The following MAP4K1 variants were observed in gnomAD, a reference collection of about 807,000 sequenced individuals.
The protein encoded by MAP4K1 is mitogen-activated protein kinase kinase kinase kinase 1.
Under a neutral mutation model 122.8 loss-of-function variants are expected in MAP4K1, and 35 were observed. That is an observed-to-expected ratio of 0.29 (90% confidence interval 0.22 to 0.38). The LOEUF (loss-of-function observed/expected upper bound fraction) is 0.38, where lower values mean the gene tolerates loss of function less well. Ranked by LOEUF, MAP4K1 falls within the 10% of genes least tolerant of loss-of-function variation. The probability of loss-of-function intolerance (pLI) is 1.00; values close to 1 mark genes in which losing one functional copy is unlikely to be tolerated. For synonymous variants in MAP4K1, 412 were observed against 421.3 expected, an observed-to-expected ratio of 0.98 and a Z score of 0.27; for missense variants, 791 against 1,072.6, an observed-to-expected ratio of 0.74 and a Z score of 3.67.
At position 38,617,313 on chromosome 19, in the gene MAP4K1, G is replaced by T. The variant is rs1298726634; in HGVS notation, c.248+41C>A. 1 of 1,403,432 alleles carries T rather than the reference G, an allele frequency of 7.1e-7. No homozygotes were observed. The highest frequency in any genetic ancestry group is 1.4e-5 in the African/African-American group (1 of 70,698). 86.9% of individuals were successfully genotyped at this position (1,403,432 alleles called of 1,614,324 possible). A position where few individuals can be genotyped will look rare whatever the true frequency, so the allele number is the denominator to read the frequency against. On this transcript the variant is annotated intron_variant, in intron 3 of 30. Coordinates refer to ENST00000396857, the MANE Select transcript of MAP4K1 (RefSeq NM_001042600.3). The surrounding 1 kb of genome is among the most constrained non-coding windows in gnomAD (Gnocchi z 4.1). ...ATCAAGAAATGGGGACTCCGGGTTAGGGGCTGGGCTGGGTGCCAGGGTGGG... is the reference window on the plus strand; with the variant it reads ...ATCAAGAAATGGGGACTCCGGGTTATGGGCTGGGCTGGGTGCCAGGGTGGG...
rs1974917670 is a variant in MAP4K1 at position 38,597,214 on chromosome 19, G to A, written c.1838-77C>T. 2 of 1,597,124 alleles carry A rather than the reference G, an allele frequency of 1.3e-6. No homozygotes were observed. Among genetic ancestry groups the A allele is most frequent in the African/African-American group, 2.7e-5 (2 of 74,546 alleles). On this transcript the variant is annotated intron_variant, in intron 24 of 30. Coordinates refer to ENST00000396857, the MANE Select transcript of MAP4K1 (RefSeq NM_001042600.3). This position sits in a 1 kb window ranked among gnomAD's most constrained non-coding sequence, Gnocchi z 4.6. Reference sequence around the variant, plus strand: ...CACCCACACTACCACCCATCTTCTGGGTTCTGGACACATTGCCTTAACTCT... The same window carrying A: ...CACCCACACTACCACCCATCTTCTGAGTTCTGGACACATTGCCTTAACTCT...
chr19:38,593,334 G>C lies in MAP4K1; in HGVS notation c.2344C>G (p.Leu782Val), dbSNP rs767803149. Residue 782 changes from leucine (L) to valine (V), a missense_variant, in exon 30 of 31, where the codon CTA becomes GTA. By Grantham distance (32) the Leu-to-Val change is conservative. Transcript: ENST00000396857. ...AGGGTAGGGTCTCTCAGCTCCTGTA[G>C]CAGCTAGGGAAAAAAAGTGTGTGTC... is the stretch of plus-strand genomic sequence containing the variant. ...QVWALGSDQL[L>V]QELRDPTLTF... 6.2e-7 allele frequency: 1 copy of C among 1,609,446 alleles called. No homozygotes were observed. The highest frequency in any genetic ancestry group is 1.3e-5 in the African/African-American group (1 of 74,872).
intron 28 of MAP4K1, 24 bp downstream of exon 28, chr19:38,595,616 G>A: frequency 1.2e-6 from 2 of 1,613,972 alleles, no homozygotes; most frequent in Non-Finnish European, 1.7e-6. Flanking sequence ...CCCTGATCCT[G>A]GGCTCTCCCG....
At chr19:38,616,484 A>G (rs1014040110) in intron 3 of MAP4K1, among the ~76,000 whole-genome samples, 27 of 152,182 alleles carry the variant, frequency 1.8e-4, no homozygotes, top group South Asian at 4.1e-4. Context: ...GGGCAAGTCA[A>G]CTCAAACCTA....
rs1568624774 is a variant in MAP4K1, at chr19:38,596,885, C to G, written c.1941+149G>C. ...GGCTTCAGAAGGACGAGGCTCCAAG[C>G]GCAGACCGCAGGTGGGCGGGGCCTC... On this transcript the variant is annotated intron_variant, in intron 25 of 30. Coordinates refer to ENST00000396857, the MANE Select transcript of MAP4K1 (RefSeq NM_001042600.3). 3.5e-5 allele frequency: 25 copies of G among 724,512 alleles called. No homozygotes were observed. In the South Asian group the frequency reaches 4.3e-4, roughly 12 times the overall value. 44.9% of individuals were successfully genotyped at this position (724,512 alleles called of 1,614,324 possible).
At chr19:38,600,887 C>T (rs1338701822) in intron 20 of MAP4K1, among the ~76,000 whole-genome samples, 1 of 148,562 alleles carries the variant, frequency 6.7e-6, no homozygotes, top group Non-Finnish European at 1.5e-5. Flanking sequence ...CTCACTGCAA[C>T]TTCCGCCCCC....
intron 4 of MAP4K1, among the ~76,000 whole-genome samples, chr19:38,615,546 G>A (rs961392449): frequency 4.6e-5 from 7 of 152,032 alleles, no homozygotes; most frequent in Non-Finnish European, 7.4e-5. Context: ...AGAGGGTAAC[G>A]AGGTAAGAAC....
chr19:38,596,991 C>T (rs1974909004), intron 25 of MAP4K1, 43 bp downstream of exon 25: 2 of 1,575,612 alleles, frequency 1.3e-6, no homozygotes, highest in South Asian at 1.1e-5. Flanking sequence ...AGGCCTTAGC[C>T]ACCCACTCCT....
rs531345270 is a variant in MAP4K1 at position 38,606,206 on chromosome 19, A to G, written c.1167T>C (p.Pro389=). The change falls in exon 17 of 31, where the codon CCT becomes CCC. Residue 389 remains proline, a synonymous_variant. Transcript: ENST00000396857. ...GAAGTGGAGGAGGTGTGTCCTCTGC[A>G]GGGGTGGGGCTGAAACACAAAGATG... ...DDYDDVDIPT[P]AEDTPPPLPP... is the part of the protein sequence containing the mutation. 2.1e-5 allele frequency: 33 copies of G among 1,558,654 alleles called. No homozygotes were observed. In the East Asian group the frequency reaches 7.1e-4, roughly 34 times the overall value.
intron 16 of MAP4K1, among the ~76,000 whole-genome samples, chr19:38,606,435 T>G (rs1004750622): frequency 6.6e-6 from 1 of 152,140 alleles, no homozygotes; most frequent in Admixed American, 6.6e-5. Flanking sequence ...CAGGGCAGGA[T>G]GGCTTGAGCC....
intron 3 of MAP4K1, 152 bp from the exon 4 acceptor site, chr19:38,616,411 G>A (rs1342349091): frequency 3.5e-6 from 2 of 563,878 alleles, no homozygotes; most frequent in Non-Finnish European, 6.1e-6. Context: ...ACCAGAGTGA[G>A]GTTGTTTCAT....
Position 38,614,097 on chromosome 19 carries a change from AG to A in MAP4K1, c.418-13del. 1.2e-6 allele frequency: 2 copies of A among 1,612,400 alleles called. No individual in the cohort carries two copies. The highest frequency in any genetic ancestry group is 4.5e-5 in the East Asian group (2 of 44,766). On this transcript the variant is annotated splice_polypyrimidine_tract_variant and intron_variant, in intron 6 of 30. Coordinates refer to ENST00000396857, the MANE Select transcript of MAP4K1 (RefSeq NM_001042600.3). The stretch of plus-strand genomic sequence containing the variant: ...AGGATGTTAGCTCCCTGGGAATGAG[AG>A]GGGATATGGGAGGCTGCAGAGACTC...
chr19:38,596,598 G>T (rs144513436), intron 25 of MAP4K1, 112 bp from the exon 26 acceptor site: 2 of 927,620 alleles, frequency 2.2e-6, no homozygotes, highest in Non-Finnish European at 3.1e-6. Context: ...AGTCTTGGGG[G>T]ATGCCGTCTA....
intron 19 of MAP4K1, among the ~76,000 whole-genome samples, chr19:38,603,319 T>A (rs1355711834): frequency 6.6e-6 from 1 of 151,118 alleles, no homozygotes; most frequent in Non-Finnish European, 1.5e-5. Flanking sequence ...TATATACACA[T>A]GTACATATAT....
intron 17 of MAP4K1, 145 bp from the exon 18 acceptor site, chr19:38,605,875 G>T: frequency 1.3e-6 from 1 of 740,778 alleles, no homozygotes; most frequent in Non-Finnish European, 2.1e-6. Flanking sequence ...GCCCCCTCCA[G>T]CCTTCCCCTG....
intron 9 of MAP4K1, 89 bp from the exon 10 acceptor site, chr19:38,611,394 G>T: frequency 3.5e-6 from 3 of 860,384 alleles, no homozygotes; most frequent in Non-Finnish European, 5.9e-6. Context: ...ATTGTGGTCA[G>T]CAGAGGGCAA....
chr19:38,608,243 A>C, intron 13 of MAP4K1, 73 bp from the exon 14 acceptor site: 1 of 650,688 alleles, frequency 1.5e-6, no homozygotes, highest in Non-Finnish European at 2.6e-6. Context: ...TAAGAACAGA[A>C]AGAGTAGAAT....
intron 3 of MAP4K1, among the ~76,000 whole-genome samples, chr19:38,616,767 A>G (rs1322197986): frequency 6.6e-6 from 1 of 152,178 alleles, no homozygotes; most frequent in Non-Finnish European, 1.5e-5. Context: ...AGTTACTATG[A>G]AGAGATCAAT....
chr19:38,595,418 C>T lies in MAP4K1; in HGVS notation c.2340+67G>A. 5 of 1,520,424 alleles carry T rather than the reference C, an allele frequency of 3.3e-6. No homozygotes were observed. In the East Asian group the frequency reaches 9.0e-5, roughly 27 times the overall value. 94.2% of individuals were successfully genotyped at this position (1,520,424 alleles called of 1,614,324 possible). A position where few individuals can be genotyped will look rare whatever the true frequency, so the allele number is the denominator to read the frequency against. On this transcript the variant is annotated intron_variant, in intron 29 of 30. Transcript: ENST00000396857. ...CACTCTGACTCAGGAGTTCTCGGAG[C>T]CCATCTGATGAATGTCATGATGGAG...
Sources: allele counts gnomAD v4.1 joint callset (sites outside exome capture counted in the v4.1 genomes callset), GRCh38; gene constraint gnomAD v4.1.1; non-coding constraint Gnocchi (gnomAD v3.1); transcripts MANE v1.5; gene names NCBI Gene and HGNC (gene_info 2026-07-23, HGNC 2026-07-21).